CYP2C8: variants seen among roughly 807,000 people sequenced by gnomAD.
CYP2C8 encodes cytochrome P450 family 2 subfamily C member 8, also known as cytochrome P450 2C8.
Under a neutral mutation model 41.3 loss-of-function variants are expected in CYP2C8, and 51 were observed. The observed-to-expected ratio is 1.24, with a 90% CI of 0.99 to 1.56. CYP2C8 has a LOEUF of 1.56. CYP2C8 is among the 40% of genes most tolerant of loss of function. The probability of loss-of-function intolerance (pLI) is 0.00; values close to 1 mark genes in which losing one functional copy is unlikely to be tolerated. For missense variants in CYP2C8, 651 were observed against 579.9 expected (o/e 1.12, Z -1.26); for synonymous variants, 218 against 205.8 (o/e 1.06, Z -0.51).
At chr10:95,044,575 G>T (rs1402775455) in intron 6 of CYP2C8, among the ~76,000 whole-genome samples, 1 of 152,106 alleles carries the variant, frequency 6.6e-6, no homozygotes, top group Non-Finnish European at 1.5e-5. Flanking sequence ...GAAGAAAAAT[G>T]CTGAGTCTTT....
Position 95,058,398 on chromosome 10 carries a change from T to C in CYP2C8, c.756A>G (p.Gln252=). The change falls in exon 5 of 9, where the codon CAA becomes CAG. Residue 252 remains glutamine (Q), a synonymous_variant. Transcript: ENST00000371270. The part of the protein sequence containing the change: ...SYIREKVKEH[Q]ASLDVNNPRD... ...GAGGATTGTTAACATCCAGTGATGC[T>C]TGGTGTTCTTTTACTTTCTCCCTAA... 1 of 1,613,578 alleles carries C rather than the reference T, an allele frequency of 6.2e-7. No individual in the cohort carries two copies. Among genetic ancestry groups the C allele is most frequent in the East Asian group, 2.2e-5 (1 of 44,818 alleles).
intron 6 of CYP2C8, among the ~76,000 whole-genome samples, chr10:95,043,864 G>GCGCA (rs1554874754): frequency 2.9e-5 from 4 of 139,180 alleles, no homozygotes; most frequent in Non-Finnish European, 6.5e-5. Flanking sequence ...ACTCACAGAA[G>GCGCA]CACACACACA....
At chr10:95,055,766 C>G (rs2033303908) in intron 5 of CYP2C8, among the ~76,000 whole-genome samples, 1 of 151,988 alleles carries the variant, frequency 6.6e-6, no homozygotes, top group African/African-American at 2.4e-5. Context: ...ACCTACAGTT[C>G]AACAACAAAT....
At chr10:95,039,124 T>A in intron 7 of CYP2C8, 86 bp from the exon 8 acceptor site, 2 of 1,260,292 alleles carry the variant, frequency 1.6e-6, no homozygotes, top group Non-Finnish European at 2.3e-6. Context: ...GCCATAACGT[T>A]GATCTATAGA....
At chr10:95,063,670 C>T (rs534712808) in intron 4 of CYP2C8, among the ~76,000 whole-genome samples, 111 of 152,270 alleles carry the variant, frequency 7.3e-4, no homozygotes, top group Non-Finnish European at 8.2e-4. Flanking sequence ...AGCTTTGTTC[C>T]GTTGCTGGTG....
chr10:95,064,827 G>A lies in CYP2C8; in HGVS notation c.615C>T (p.Phe205=), dbSNP rs138050874. ...GGATCCATGGGGAGTTCAGAATCCT[G>A]AAGTTTTCATTGAATCTTTTCATCA... ...LTLMKRFNEN[F]RILNSPWIQV... Residue 205 remains phenylalanine (F), a synonymous_variant, in exon 4 of 9, where the codon TTC becomes TTT. Transcript: ENST00000371270. 3.1e-6 allele frequency: 5 copies of A among 1,613,912 alleles called. No individual in the cohort carries two copies. In the African/African-American group the frequency reaches 5.3e-5, roughly 17 times the overall value.
In CYP2C8 at chr10:95,067,259, G is replaced by T; in HGVS notation, c.430C>A (p.Arg144Ser). ...FGMGKRSIEDRVQEEAHCLVE... is the reference protein window; with the variant it reads ...FGMGKRSIEDSVQEEAHCLVE... ...AGGCAGTGAGCTTCCTCTTGAACAC[G>T]GTCCTCAATGCTCCTCTTCCCCATC... The change falls in exon 3 of 9, where the codon CGT (arginine) becomes AGT (serine). Residue 144 changes from arginine (R) to serine (S), a missense_variant. Physicochemically the swap from Arg to Ser is moderately radical, Grantham distance 110. Coordinates refer to ENST00000371270, the MANE Select transcript of CYP2C8 (RefSeq NM_000770.3). 1 of 1,614,138 alleles carries T rather than the reference G, an allele frequency of 6.2e-7. No individual in the cohort carries two copies. Among genetic ancestry groups the T allele is most frequent in the Non-Finnish European group, 8.5e-7 (1 of 1,180,012 alleles).
At chr10:95,065,365 G>A (rs766703463) in intron 3 of CYP2C8, among the ~76,000 whole-genome samples, 1 of 152,182 alleles carries the variant, frequency 6.6e-6, no homozygotes, top group Non-Finnish European at 1.5e-5. Flanking sequence ...ACCTAGAAAT[G>A]TCATATAGCT....
In CYP2C8 at chr10:95,049,689, C is replaced by T. The variant is rs368622060; in HGVS notation, c.820-3738G>A. ...GCAGTGTTGGCTACAAGTACTGTAACTTTTATGTGAGTCCTGGTGCTGAAC... is the reference window on the plus strand; with the variant it reads ...GCAGTGTTGGCTACAAGTACTGTAATTTTTATGTGAGTCCTGGTGCTGAAC... On this transcript the variant is annotated intron_variant, in intron 5 of 8. Transcript: ENST00000371270. Among the ~76,000 whole-genome samples, 4 of 152,174 alleles carry T rather than the reference C, an allele frequency of 2.6e-5. No individual in the cohort carries two copies. In the East Asian group the frequency reaches 5.8e-4, roughly 22 times the overall value.
chr10:95,058,888 G>T (rs2033365498), intron 4 of CYP2C8, among the ~76,000 whole-genome samples: 1 of 151,734 alleles, frequency 6.6e-6, no homozygotes, highest in Non-Finnish European at 1.5e-5. Context: ...ATGAGAATAT[G>T]CAGTGTTTGG....
At chr10:95,054,690 G>A (rs946733644) in intron 5 of CYP2C8, among the ~76,000 whole-genome samples, 1 of 152,052 alleles carries the variant, frequency 6.6e-6, no homozygotes, top group Non-Finnish European at 1.5e-5. Context: ...AACTAGAGCT[G>A]ATAAATGTTT....
intron 7 of CYP2C8, 121 bp from the exon 8 acceptor site, chr10:95,039,159 C>T: frequency 1.1e-6 from 1 of 907,274 alleles, no homozygotes. Context: ...TCCAGCCAGA[C>T]ACAGTAATTT....
chr10:95,037,747 G>A (rs1163413597), intron 8 of CYP2C8, among the ~76,000 whole-genome samples: 1 of 152,060 alleles, frequency 6.6e-6, no homozygotes, highest in East Asian at 1.9e-4. Context: ...TCTGTTCTCA[G>A]CTCTGGTCAT....
At position 95,036,895 on chromosome 10, in the gene CYP2C8, A is replaced by G; in HGVS notation, c.*233T>C. The G allele has an allele frequency of 7.3e-6, 4 of 546,288 alleles. No individual in the cohort carries two copies. In the South Asian group the frequency reaches 8.7e-5, roughly 12 times the overall value. The allele number at this position is 546,288 out of a possible 1,614,324, so 33.8% of individuals were successfully genotyped here. ...AACATATTAAAAAGTCAGCATTAGA[A>G]AAGTATTAGCATATGCAGCAATTAA... On this transcript the variant is annotated 3_prime_UTR_variant, in exon 9 of 9. Transcript: ENST00000371270.
At chr10:95,059,270 A>C (rs1448529721) in intron 4 of CYP2C8, among the ~76,000 whole-genome samples, 5 of 152,196 alleles carry the variant, frequency 3.3e-5, no homozygotes, top group African/African-American at 9.7e-5. Flanking sequence ...ACAGTGTAAA[A>C]GTGCTCCTAT....
rs892333880 is a variant in CYP2C8, at chr10:95,068,655, C to T, written c.168+580G>A. The stretch of plus-strand genomic sequence containing the variant: ...TGTGAAACAAAGAGGAGAAACAGCA[C>T]TTTAAACTTTTGCCACTGTATTAAA... On this transcript the variant is annotated intron_variant, in intron 1 of 8. Transcript: ENST00000371270. 3.1e-6 allele frequency: 4 copies of T among 1,277,522 alleles called. No homozygotes were observed. The African/African-American group carries it at 4.6e-5, about 15-fold the overall frequency. The allele number at this position is 1,277,522 out of a possible 1,614,324, so 79.1% of individuals were successfully genotyped here.
intron 7 of CYP2C8, chr10:95,040,807 G>A (rs1033212632): frequency 6.8e-5 from 29 of 427,574 alleles, no homozygotes; most frequent in African/African-American, 5.2e-4. Flanking sequence ...ATAATATCTG[G>A]TACTGAGCCA....
intron 5 of CYP2C8, among the ~76,000 whole-genome samples, chr10:95,047,365 A>C (rs759610377): frequency 2.6e-5 from 4 of 152,208 alleles, no homozygotes; most frequent in Non-Finnish European, 5.9e-5. Context: ...CTATATCATG[A>C]AAAGTGTTAC....
intron 4 of CYP2C8, among the ~76,000 whole-genome samples, chr10:95,061,193 T>G (rs548787317): frequency 6.6e-6 from 1 of 152,358 alleles, no homozygotes; most frequent in Non-Finnish European, 1.5e-5. Context: ...TTTCTATTGA[T>G]TGGAATAATT....
Sources: gnomAD v4.1 joint callset for allele counts (sites outside exome capture counted in the v4.1 genomes callset) on GRCh38, gnomAD v4.1.1 for gene constraint, MANE v1.5 for transcripts, NCBI Gene and HGNC (gene_info 2026-07-23, HGNC 2026-07-21) for gene names.